The following EXOC4 variants were observed in gnomAD, a reference collection of about 807,000 sequenced individuals.
EXOC4 encodes the protein exocyst complex component 4, also known as SEC8-like 1.
In EXOC4, 71 loss-of-function variants were observed where a neutral mutation model predicts 107.2. The observed-to-expected ratio is 0.66, with a 90% confidence interval of 0.55 to 0.81. The LOEUF (loss-of-function observed/expected upper bound fraction) is 0.81, where lower values mean the gene tolerates loss of function less well. Ranked by LOEUF, EXOC4 falls within the 30% of genes least tolerant of loss-of-function variation. EXOC4 has a pLI of 0.00. For synonymous variants in EXOC4, 456 were observed against 441.2 expected, an observed-to-expected ratio of 1.03 and a Z score of -0.42; for missense variants, 1,108 against 1,189.6, an observed-to-expected ratio of 0.93 and a Z score of 1.01.
At chr7:133,435,830 A>AGGTAATTTCTAG (rs1797958206) in intron 7 of EXOC4, among the ~76,000 whole-genome samples, 1 of 152,144 alleles carries the variant, frequency 6.6e-6, no homozygotes, top group Non-Finnish European at 1.5e-5. Context: ...GGTTGAGGGT[A>AGGTAATTTCTAG]AAGTTTTTGC....
At chr7:134,038,686 G>A (rs955932785) in intron 17 of EXOC4, among the ~76,000 whole-genome samples, 1 of 151,614 alleles carries the variant, frequency 6.6e-6, no homozygotes, top group Non-Finnish European at 1.5e-5. Flanking sequence ...TATCCTCCAC[G>A]GCCCCATGCC....
At chr7:133,825,746 A>G (rs1017194487) in intron 11 of EXOC4, among the ~76,000 whole-genome samples, 2 of 152,216 alleles carry the variant, frequency 1.3e-5, no homozygotes, top group Non-Finnish European at 2.9e-5. Context: ...TAGAGAATAG[A>G]TTCAGCTTTT....
At chr7:133,590,988 G>A (rs1401012891) in intron 9 of EXOC4, among the ~76,000 whole-genome samples, 1 of 152,192 alleles carries the variant, frequency 6.6e-6, no homozygotes, top group Admixed American at 6.5e-5. Flanking sequence ...ACAGGGCTCA[G>A]CCCTGCTGGT....
intron 10 of EXOC4, among the ~76,000 whole-genome samples, chr7:133,773,663 TATC>T (rs2151165105): frequency 6.6e-6 from 1 of 152,094 alleles, no homozygotes; most frequent in African/African-American, 2.4e-5. Context: ...GGGGTTGAAA[TATC>T]ATCAGTGAAC....
chr7:133,633,360 T>C (rs757381340), intron 10 of EXOC4, among the ~76,000 whole-genome samples: 24 of 152,204 alleles, frequency 1.6e-4, no homozygotes, highest in Admixed American at 3.3e-4. Flanking sequence ...TCTGTCCCAA[T>C]TTGCCAAACT....
At chr7:133,886,505 G>A (rs1405376019) in intron 11 of EXOC4, among the ~76,000 whole-genome samples, 1 of 151,820 alleles carries the variant, frequency 6.6e-6, no homozygotes, top group Non-Finnish European at 1.5e-5. Context: ...ATTTTCCACA[G>A]CAATGTTTTT....
intron 7 of EXOC4, among the ~76,000 whole-genome samples, chr7:133,429,079 G>A (rs1322094873): frequency 1.3e-5 from 2 of 152,140 alleles, no homozygotes; most frequent in Non-Finnish European, 2.9e-5. Flanking sequence ...AGGGATTGAG[G>A]TGATTGACAG....
intron 12 of EXOC4, among the ~76,000 whole-genome samples, chr7:133,909,000 C>T (rs929396122): frequency 6.6e-6 from 1 of 152,156 alleles, no homozygotes; most frequent in Non-Finnish European, 1.5e-5. Flanking sequence ...CCCCTAACTC[C>T]CGACAGGCCC....
chr7:133,857,055 C>T (rs542500435), intron 11 of EXOC4, among the ~76,000 whole-genome samples: 93 of 141,128 alleles, frequency 6.6e-4, no homozygotes, highest in African/African-American at 2.3e-3. Context: ...CGAGATCACG[C>T]CACTGCACTC....
At chr7:133,762,610 T>C (rs1377378923) in intron 10 of EXOC4, among the ~76,000 whole-genome samples, 1 of 152,124 alleles carries the variant, frequency 6.6e-6, no homozygotes, top group Admixed American at 6.5e-5. Flanking sequence ...CACAATTTGT[T>C]TATAACAGCA....
chr7:133,269,637 T>TGAGTGAGA (rs951439167), intron 1 of EXOC4, among the ~76,000 whole-genome samples: 2 of 152,222 alleles, frequency 1.3e-5, no homozygotes, highest in African/African-American at 4.8e-5. Context: ...AAGTGGAGGA[T>TGAGTGAGA]GAGTGAGAGT....
At chr7:134,085,190 C>T in the EXOC4 span, among the ~76,000 whole-genome samples, 689 of 152,226 alleles carry the variant, frequency 4.5e-3, 8 homozygotes, top group African/African-American at 0.016. Flanking sequence ...CTTCTCAGGC[C>T]ATGTTTAGTT....
chr7:133,434,414 T>C (rs1797921634), intron 7 of EXOC4, among the ~76,000 whole-genome samples: 1 of 152,216 alleles, frequency 6.6e-6, no homozygotes, highest in Admixed American at 6.5e-5. Context: ...TTTCCCTTTT[T>C]TGCCCATTGT....
intron 17 of EXOC4, among the ~76,000 whole-genome samples, chr7:134,038,260 A>C (rs1374677036): frequency 6.6e-6 from 1 of 152,210 alleles, no homozygotes; most frequent in Admixed American, 6.5e-5. Context: ...CAAATTGAGG[A>C]TTTTAACATG....
chr7:133,450,540 C>T (rs1409480239), intron 7 of EXOC4, among the ~76,000 whole-genome samples: 3 of 152,110 alleles, frequency 2.0e-5, no homozygotes, highest in African/African-American at 4.8e-5. Flanking sequence ...GGAAATCTAC[C>T]TAGACCTTGT....
At chr7:133,990,398 T>A (rs1438552737) in intron 14 of EXOC4, among the ~76,000 whole-genome samples, 3 of 152,010 alleles carry the variant, frequency 2.0e-5, no homozygotes, top group Admixed American at 1.3e-4. Context: ...CTTATTTCAC[T>A]TAATATGATG....
chr7:133,525,508 C>T (rs908636846), intron 9 of EXOC4, among the ~76,000 whole-genome samples: 7 of 152,108 alleles, frequency 4.6e-5, no homozygotes, highest in Non-Finnish European at 8.8e-5. Context: ...TTCCTCTTCC[C>T]CATCTTATGC....
rs1245064473 is a variant in EXOC4 at position 133,895,483 on chromosome 7, A to C, written c.1735-116A>C. On this transcript the variant is annotated intron_variant, in intron 11 of 17. Transcript: ENST00000253861. ...TTTTGAGTTCATATTTCAAAATGTCACATTCTTGCAGGAGAGCTCAGGTAC... is the reference window on the plus strand; with the variant it reads ...TTTTGAGTTCATATTTCAAAATGTCCCATTCTTGCAGGAGAGCTCAGGTAC... 1.7e-5 allele frequency: 18 copies of C among 1,052,636 alleles called. No homozygotes were observed. The East Asian group carries it at 4.4e-4, about 25-fold the overall frequency. 65.2% of individuals were successfully genotyped at this position (1,052,636 alleles called of 1,614,324 possible).
intron 10 of EXOC4, among the ~76,000 whole-genome samples, chr7:133,804,906 C>T (rs1797037316): frequency 6.6e-6 from 1 of 152,148 alleles, no homozygotes; most frequent in Non-Finnish European, 1.5e-5. Context: ...TTTCCTAAAA[C>T]ATAGCCTTAA....
Sources: allele counts gnomAD v4.1 joint callset (sites outside exome capture counted in the v4.1 genomes callset), GRCh38; gene constraint gnomAD v4.1.1; transcripts MANE v1.5; gene names NCBI Gene and HGNC (gene_info 2026-07-23, HGNC 2026-07-21).